AP3B2: variants seen among roughly 807,000 people sequenced by gnomAD.
AP3B2 encodes the protein adaptor related protein complex 3 subunit beta 2.
AP3B2 carries 50 observed loss-of-function variants against 126.9 expected under a neutral mutation model. The ratio of observed to expected loss-of-function variants is 0.39; its 90% confidence interval spans 0.31 to 0.50. The LOEUF (loss-of-function observed/expected upper bound fraction) is 0.50. Among genes scored for constraint, AP3B2 ranks in the 20% least tolerant of loss-of-function variants. AP3B2 has a pLI of 0.79. For synonymous variants in AP3B2, 541 were observed against 565.0 expected, an observed-to-expected ratio of 0.96 and a Z score of 0.60; for missense variants, 1,177 against 1,426.4, an observed-to-expected ratio of 0.83 and a Z score of 2.82.
chr15:82,668,224 C>T (rs2048091571), intron 14 of AP3B2, among the ~76,000 whole-genome samples: 1 of 152,258 alleles, frequency 6.6e-6, no homozygotes, highest in African/African-American at 2.4e-5. Context: ...ATCTGGCCCA[C>T]AGGCCCTCTT....
intron 25 of AP3B2, 61 bp downstream of exon 25, chr15:82,661,764 C>G (rs2047953739): frequency 2.1e-6 from 3 of 1,409,998 alleles, no homozygotes; most frequent in Non-Finnish European, 3.0e-6. Flanking sequence ...ACCATCCAAG[C>G]TGGACATTCT....
chr15:82,683,341 G>A (rs1351049103), intron 4 of AP3B2, among the ~76,000 whole-genome samples: 1 of 152,170 alleles, frequency 6.6e-6, no homozygotes, highest in Non-Finnish European at 1.5e-5. Flanking sequence ...ACAGGCGTGA[G>A]CCACTGCACC....
In AP3B2 at chr15:82,681,818, A is replaced by G. The variant is rs997990960; in HGVS notation, c.361-238T>C. ...AATGGGTAGCTTCACTTCCAGAAAC[A>G]CTGAAAAACTTTCAGAACACCTAAA... is the stretch of plus-strand genomic sequence containing the variant. On this transcript the variant is annotated intron_variant, in intron 4 of 26. Transcript: ENST00000535359. This position sits in a 1 kb window ranked among gnomAD's most constrained non-coding sequence, Gnocchi z 4.0. Among the ~76,000 whole-genome samples, 7 of 152,164 alleles carry G rather than the reference A, an allele frequency of 4.6e-5. No homozygotes were observed. The highest frequency in any genetic ancestry group is 2.1e-4 in the South Asian group (1 of 4,830).
At chr15:82,667,188 G>T (rs1028352110) in intron 14 of AP3B2, among the ~76,000 whole-genome samples, 1 of 152,084 alleles carries the variant, frequency 6.6e-6, no homozygotes, top group African/African-American at 2.4e-5. Context: ...TTTCCTTTTG[G>T]ACTTTCCCCA....
chr15:82,681,096 GC>G lies in AP3B2; in HGVS notation c.588+15del. ...TGCCGGTCACCACCCCTCCCGGAGCGCCCCTATACACGCACCGTGGTCTTGT... is the reference window on the plus strand; with the variant it reads ...TGCCGGTCACCACCCCTCCCGGAGCGCCCTATACACGCACCGTGGTCTTGT... On this transcript the variant is annotated intron_variant, in intron 6 of 26. Transcript: ENST00000535359. This position sits in a 1 kb window ranked among gnomAD's most constrained non-coding sequence, Gnocchi z 4.0. The G allele has an allele frequency of 6.2e-7, 1 of 1,613,366 alleles. No homozygotes were observed.
At chr15:82,674,097 C>G (rs745781341) in intron 14 of AP3B2, among the ~76,000 whole-genome samples, 1 of 152,168 alleles carries the variant, frequency 6.6e-6, no homozygotes, top group Non-Finnish European at 1.5e-5. Flanking sequence ...GAGGCCTCAT[C>G]TTGGTCATTT....
At position 82,664,620 on chromosome 15, in the gene AP3B2, A is replaced by C. The variant is rs572521545; in HGVS notation, c.2138-130T>G. ...CTCTCTGACCTGCCCCCAGCCCTAC[A>C]TGCCAGCTGGAACTGACAGAAACAC... On this transcript the variant is annotated intron_variant, in intron 18 of 26. Transcript: ENST00000535359. This position sits in a 1 kb window ranked among gnomAD's most constrained non-coding sequence, Gnocchi z 4.5. The C allele has an allele frequency of 1.2e-5, 15 of 1,253,654 alleles. No homozygotes were observed. Among genetic ancestry groups the C allele is most frequent in the Non-Finnish European group, 1.3e-5 (12 of 903,176 alleles). 77.7% of individuals were successfully genotyped at this position (1,253,654 alleles called of 1,614,324 possible). A position where few individuals can be genotyped will look rare whatever the true frequency, so the allele number is the denominator to read the frequency against.
rs556339991 is a variant in AP3B2, at chr15:82,669,643, G to C, written c.1666-2710C>G. Reference sequence around the variant, plus strand: ...GGAGGTGAAGGTTGCAGTGAGCCAAGATGGCGCCACTGCACTCCAGCCTGG... The same window carrying C: ...GGAGGTGAAGGTTGCAGTGAGCCAACATGGCGCCACTGCACTCCAGCCTGG... On this transcript the variant is annotated intron_variant, in intron 14 of 26. Transcript: ENST00000535359. Among the ~76,000 whole-genome samples the C allele has an allele frequency of 4.9e-4, 73 of 149,902 alleles. 1 individual carries two copies. The South Asian group carries it at 0.014, about 29-fold the overall frequency.
Position 82,659,410 on chromosome 15 carries a change from G to A in AP3B2, c.*150C>T. 1.0e-6 allele frequency: 1 copy of A among 983,158 alleles called. No individual in the cohort carries two copies. The highest frequency in any genetic ancestry group is 1.5e-6 in the Non-Finnish European group (1 of 664,488). 60.9% of individuals were successfully genotyped at this position (983,158 alleles called of 1,614,324 possible). ...TCCATGGGGAGGGCATTAGGGGAGG[G>A]CTTGGTCCTCCAGAGGGAGAGAGGA... On this transcript the variant is annotated 3_prime_UTR_variant, in exon 27 of 27. Transcript: ENST00000535359.
At chr15:82,661,462 A>G (rs946913568) in intron 25 of AP3B2, among the ~76,000 whole-genome samples, 1 of 152,182 alleles carries the variant, frequency 6.6e-6, no homozygotes, top group Non-Finnish European at 1.5e-5. Flanking sequence ...AATGTTTTTA[A>G]TATTTTTTAA....
Position 82,682,267 on chromosome 15 carries a change from G to A in AP3B2, c.361-687C>T, listed in dbSNP as rs572971061. Reference sequence around the variant, plus strand: ...TAGGTTTCGCCGTGTTGGCCAGGCTGGTCTCGAACTCCTGGCCGCAAGTGA... The same window carrying A: ...TAGGTTTCGCCGTGTTGGCCAGGCTAGTCTCGAACTCCTGGCCGCAAGTGA... On this transcript the variant is annotated intron_variant, in intron 4 of 26. Coordinates refer to ENST00000535359, the MANE Select transcript of AP3B2 (RefSeq NM_001278512.2). Among the ~76,000 whole-genome samples the A allele has an allele frequency of 1.7e-4, 26 of 152,060 alleles. No individual in the cohort carries two copies. In the South Asian group the frequency reaches 5.4e-3, roughly 32 times the overall value.
At chr15:82,676,007 G>A (rs2048235888) in intron 14 of AP3B2, among the ~76,000 whole-genome samples, 3 of 151,996 alleles carry the variant, frequency 2.0e-5, no homozygotes, top group Non-Finnish European at 4.4e-5. Flanking sequence ...AATGACAGTG[G>A]CCACCAGCAC....
intron 14 of AP3B2, among the ~76,000 whole-genome samples, chr15:82,667,678 A>T (rs1049035565): frequency 2.0e-5 from 3 of 152,184 alleles, no homozygotes; most frequent in Non-Finnish European, 4.4e-5. Flanking sequence ...TCTGGCACCA[A>T]CTCTGTGCTA....
chr15:82,688,709 C>T lies in AP3B2; in HGVS notation c.360+27G>A, dbSNP rs1165960330. 7 of 1,589,890 alleles carry T rather than the reference C, an allele frequency of 4.4e-6. No homozygotes were observed. The Admixed American group carries it at 1.2e-4, about 28-fold the overall frequency. Reference sequence around the variant, plus strand: ...GATACAGCGCCAACGAGGCCCAGGCCCTGGGAGGCAAACTGAGACCCCTGA... The same window carrying T: ...GATACAGCGCCAACGAGGCCCAGGCTCTGGGAGGCAAACTGAGACCCCTGA... On this transcript the variant is annotated intron_variant, in intron 4 of 26. Transcript: ENST00000535359.
At chr15:82,671,582 C>CA (rs1372615758) in intron 14 of AP3B2, among the ~76,000 whole-genome samples, 2 of 149,856 alleles carry the variant, frequency 1.3e-5, no homozygotes, top group Admixed American at 6.7e-5. Flanking sequence ...ACTAAAAATA[C>CA]AAAAAATTAG....
chr15:82,707,763 C>A (rs1280678662), intron 1 of AP3B2, among the ~76,000 whole-genome samples: 1 of 152,152 alleles, frequency 6.6e-6, no homozygotes, highest in African/African-American at 2.4e-5. Flanking sequence ...CATACAAAAC[C>A]GTATCCAGGC....
chr15:82,699,202 C>A, intron 1 of AP3B2: 1 of 154,638 alleles, frequency 6.5e-6, no homozygotes, highest in Non-Finnish European at 1.4e-5. Context: ...CACTGGGGGT[C>A]AGTCATGCTC....
intron 1 of AP3B2, among the ~76,000 whole-genome samples, chr15:82,701,154 C>A (rs946156900): frequency 1.3e-5 from 2 of 152,186 alleles, no homozygotes; most frequent in Non-Finnish European, 2.9e-5. Flanking sequence ...AGCCACTGTA[C>A]CCAGTCTCCA....
intron 4 of AP3B2, among the ~76,000 whole-genome samples, chr15:82,682,229 T>C (rs2048352181): frequency 1.3e-5 from 2 of 151,818 alleles, no homozygotes; most frequent in African/African-American, 4.8e-5. Context: ...TTTTTTGTAT[T>C]TTTAGTAGAG....
Sources: allele counts gnomAD v4.1 joint callset (sites outside exome capture counted in the v4.1 genomes callset), GRCh38; gene constraint gnomAD v4.1.1; non-coding constraint Gnocchi (gnomAD v3.1); transcripts MANE v1.5; gene names NCBI Gene and HGNC (gene_info 2026-07-23, HGNC 2026-07-21).